The following MAP3K9 variants were observed in gnomAD, a reference collection of about 807,000 sequenced individuals.
MAP3K9 encodes mitogen-activated protein kinase kinase kinase 9.
A neutral mutation model predicts 95.8 loss-of-function variants in MAP3K9; 46 were observed. The observed-to-expected ratio is 0.48, with a 90% CI of 0.38 to 0.61. MAP3K9 has a LOEUF of 0.61. Ranked by LOEUF, MAP3K9 falls within the 20% of genes least tolerant of loss-of-function variation. The pLI, the probability that MAP3K9 is intolerant of heterozygous loss-of-function variation, is 0.00. For synonymous variants in MAP3K9, 533 were observed against 593.8 expected, an observed-to-expected ratio of 0.90 and a Z score of 1.49; for missense variants, 1,296 against 1,474.3, an observed-to-expected ratio of 0.88 and a Z score of 1.98.
In MAP3K9 at chr14:70,724,202, C is replaced by A. The variant is rs1387034370; in HGVS notation, c.*6178G>T. ...GGAGCCTCTCTGCCATAATCACTTC[C>A]CTTCTCCAGAGAACACACACACACA... On this transcript the variant is annotated 3_prime_UTR_variant, in exon 12 of 12. Coordinates refer to ENST00000554752, the MANE Select transcript of MAP3K9 (RefSeq NM_001284230.2). The A allele has an allele frequency of 1.3e-5, 2 of 152,182 alleles. No homozygotes were observed. Among genetic ancestry groups the A allele is most frequent in the African/African-American group, 4.8e-5 (2 of 41,432 alleles). 9.4% of individuals were successfully genotyped at this position (152,182 alleles called of 1,614,324 possible). A position where few individuals can be genotyped will look rare whatever the true frequency, so the allele number is the denominator to read the frequency against.
intron 6 of MAP3K9, 88 bp from the exon 7 acceptor site, chr14:70,740,252 G>C: frequency 7.1e-7 from 1 of 1,406,564 alleles, no homozygotes. Context: ...CAGCATCCTT[G>C]AGGGACAGGC....
intron 1 of MAP3K9, among the ~76,000 whole-genome samples, chr14:70,802,047 T>C (rs1189361213): frequency 6.6e-6 from 1 of 152,136 alleles, no homozygotes; most frequent in Non-Finnish European, 1.5e-5. Context: ...GAGTCATGTA[T>C]CTTTCAGAAA....
chr14:70,802,723 A>G (rs1594815971), intron 1 of MAP3K9, among the ~76,000 whole-genome samples: 1 of 152,252 alleles, frequency 6.6e-6, no homozygotes, highest in East Asian at 1.9e-4. Context: ...GATTATAATT[A>G]CTTAATTACT....
At position 70,729,252 on chromosome 14, in the gene MAP3K9, G is replaced by A. The variant is rs191707707; in HGVS notation, c.*1128C>T. 174 of 152,306 alleles carry A rather than the reference G, an allele frequency of 1.1e-3. No individual in the cohort carries two copies. The highest frequency in any genetic ancestry group is 3.9e-3 in the African/African-American group (164 of 41,556). The allele number at this position is 152,306 out of a possible 1,614,324, so 9.4% of individuals were successfully genotyped here. On this transcript the variant is annotated 3_prime_UTR_variant, in exon 12 of 12. Transcript: ENST00000554752. ...TCCTGCTGGCTCCATTTTACTTCAA[G>A]GGCATCACAACATGGATGGCCCAGT...
chr14:70,781,164 G>A (rs1566759167), intron 2 of MAP3K9, among the ~76,000 whole-genome samples: 1 of 152,206 alleles, frequency 6.6e-6, no homozygotes, highest in South Asian at 2.1e-4. Context: ...GACAATGCCC[G>A]ACTTCTAAGC....
At chr14:70,758,995 A>C (rs1464678268) in intron 3 of MAP3K9, among the ~76,000 whole-genome samples, 1 of 152,260 alleles carries the variant, frequency 6.6e-6, no homozygotes, top group African/African-American at 2.4e-5. Flanking sequence ...TAGTCACAAA[A>C]GACCACAAAT....
chr14:70,779,720 T>C (rs1021460371), intron 2 of MAP3K9, among the ~76,000 whole-genome samples: 7 of 152,172 alleles, frequency 4.6e-5, no homozygotes, highest in African/African-American at 1.4e-4. Context: ...AGCTACCAAC[T>C]CACATATTAC....
chr14:70,798,408 C>T (rs2054888071), intron 2 of MAP3K9, among the ~76,000 whole-genome samples: 1 of 54,104 alleles, frequency 1.8e-5, no homozygotes, highest in African/African-American at 7.6e-5. Flanking sequence ...GCTTCTCCAT[C>T]ACATTTTCCA....
intron 2 of MAP3K9, among the ~76,000 whole-genome samples, chr14:70,761,711 A>G (rs2054377874): frequency 6.6e-6 from 1 of 152,208 alleles, no homozygotes; most frequent in South Asian, 2.1e-4. Context: ...TCATTAAAGC[A>G]CCAAAGCTTG....
chr14:70,783,744 C>T (rs766920587), intron 2 of MAP3K9, among the ~76,000 whole-genome samples: 2 of 152,224 alleles, frequency 1.3e-5, no homozygotes, highest in African/African-American at 4.8e-5. Context: ...CTCTTGCTCA[C>T]GCATGGTCCA....
In MAP3K9 at chr14:70,733,231, G is replaced by A. The variant is rs765783857; in HGVS notation, c.2138C>T (p.Ser713Phe). The change falls in exon 11 of 12, where the codon TCC (serine) becomes TTC (phenylalanine). Residue 713 changes from serine to phenylalanine, a missense_variant. This residue lies in a region of MAP3K9 where 377 missense variants were observed against 417.1 expected (regional missense o/e 0.90). Transcript: ENST00000554752. ...FPRGEDGDGP[S>F]SDGIHEEPTP... Reference sequence around the variant, plus strand: ...GGGCTCCTCATGGATTCCATCACTGGAGGGGCCATCGCCATCCTCTCCACG... The same window carrying A: ...GGGCTCCTCATGGATTCCATCACTGAAGGGGCCATCGCCATCCTCTCCACG... 10 of 1,612,536 alleles carry A rather than the reference G, an allele frequency of 6.2e-6. No individual in the cohort carries two copies. Among genetic ancestry groups the A allele is most frequent in the African/African-American group, 2.7e-5 (2 of 75,016 alleles).
Position 70,800,803 on chromosome 14 carries a change from C to A in MAP3K9, c.684G>T (p.Leu228Phe). 3 of 1,614,186 alleles carry A rather than the reference C, an allele frequency of 1.9e-6. No homozygotes were observed. The highest frequency in any genetic ancestry group is 2.5e-6 in the Non-Finnish European group (3 of 1,180,028). The change falls in exon 2 of 12, where the codon TTG becomes TTT. Residue 228 changes from leucine (L) to phenylalanine (F), a missense_variant. Coordinates refer to ENST00000554752, the MANE Select transcript of MAP3K9 (RefSeq NM_001284230.2). ...LVMEFARGGP[L>F]NRVLSGKRIP... ...TCCTTTTCCCAGATAACACTCTATT[C>A]AAAGGTCCTCCACGAGCAAACTCCA...
chr14:70,773,460 C>T (rs2054556440), intron 2 of MAP3K9, among the ~76,000 whole-genome samples: 1 of 152,184 alleles, frequency 6.6e-6, no homozygotes, highest in Non-Finnish European at 1.5e-5. Context: ...GACTGCTAGT[C>T]GCCCTTCAGT....
At chr14:70,808,352 G>A (rs1431157423) in intron 1 of MAP3K9, among the ~76,000 whole-genome samples, 2 of 151,342 alleles carry the variant, frequency 1.3e-5, no homozygotes, top group African/African-American at 2.4e-5. Context: ...AGAAGAGGTG[G>A]TGGCAAGGTC....
intron 2 of MAP3K9, among the ~76,000 whole-genome samples, chr14:70,782,969 C>T (rs1000115009): frequency 6.6e-6 from 1 of 152,182 alleles, no homozygotes; most frequent in South Asian, 2.1e-4. Flanking sequence ...ACAGGCATAC[C>T]CAGAAACTGC....
At chr14:70,791,724 C>T (rs57284652) in intron 2 of MAP3K9, among the ~76,000 whole-genome samples, 34,658 of 152,180 alleles carry the variant, frequency 0.23, 4,255 homozygotes, top group South Asian at 0.38. Flanking sequence ...GCACTCCTCT[C>T]GAGGCATGTC....
Position 70,748,991 on chromosome 14 carries a change from A to G in MAP3K9, c.1164T>C (p.Pro388=), listed in dbSNP as rs1354293191. The change falls in exon 5 of 12, where the codon CCT becomes CCC. Residue 388 remains proline, a synonymous_variant. Transcript: ENST00000554752. ...FAKLMEDCWN[P]DPHSRPSFTN... is the part of the protein sequence containing the mutation. ...TGAAAGATGGTCGTGAGTGGGGATC[A>G]GGATTCCAGCAGTCTGAATAGAACA... is the stretch of plus-strand genomic sequence containing the variant. The G allele has an allele frequency of 1.9e-6, 3 of 1,613,598 alleles. No homozygotes were observed. The highest frequency in any genetic ancestry group is 1.7e-5 in the Admixed American group (1 of 59,906).
chr14:70,748,800 T>G, intron 5 of MAP3K9, 29 bp downstream of exon 5: 1 of 1,574,578 alleles, frequency 6.4e-7, no homozygotes, highest in Non-Finnish European at 8.6e-7. Context: ...TTTCGTTCGT[T>G]TTTTTGTTGT....
In MAP3K9 at chr14:70,760,139, G is replaced by A. The variant is rs548165407; in HGVS notation, c.1001+863C>T. Among the ~76,000 whole-genome samples the A allele has an allele frequency of 3.7e-3, 177 of 48,318 alleles. 1 individual carries two copies. The highest frequency in any genetic ancestry group is 0.012 in the African/African-American group (158 of 12,788). 31.7% of individuals were successfully genotyped at this position (48,318 alleles called of 152,430 possible). On this transcript the variant is annotated intron_variant, in intron 3 of 11. Transcript: ENST00000554752. ...AATAAAGCTATTATTTAAAATAAAC[G>A]TGCACACACACACACACACACACAC...
Sources: gnomAD v4.1 joint callset for allele counts (sites outside exome capture counted in the v4.1 genomes callset) on GRCh38, gnomAD v4.1.1 for gene constraint, gnomAD v4.1.1 regional missense constraint, MANE v1.5 for transcripts, NCBI Gene and HGNC (gene_info 2026-07-23, HGNC 2026-07-21) for gene names.